The following CBX1 variants were observed in gnomAD, a reference collection of about 807,000 sequenced individuals.
CBX1 encodes the protein chromobox protein homolog 1.
In CBX1, 10 loss-of-function variants were observed where a neutral mutation model predicts 25.1. The ratio of observed to expected loss-of-function variants is 0.40; its 90% CI spans 0.25 to 0.68. The LOEUF (loss-of-function observed/expected upper bound fraction) is 0.68, where lower values mean the gene tolerates loss of function less well. Ranked by LOEUF, CBX1 falls within the 30% of genes least tolerant of loss-of-function variation. The probability of loss-of-function intolerance (pLI) is 0.40; values close to 1 mark genes in which losing one functional copy is unlikely to be tolerated. For missense variants in CBX1, 106 were observed against 218.5 expected (o/e 0.49, Z 3.25); for synonymous variants, 63 against 79.4 (o/e 0.79, Z 1.10).
chr17:48,071,523 G>A lies in CBX1; in HGVS notation c.470C>T (p.Pro157Leu). The A allele has an allele frequency of 6.2e-7, 1 of 1,613,492 alleles. No individual in the cohort carries two copies. Among genetic ancestry groups the A allele is most frequent in the Middle Eastern group, 1.7e-4 (1 of 6,052 alleles). The change falls in exon 5 of 5, where the codon CCA becomes CTA. Residue 157 changes from proline to leucine, a missense_variant. Physicochemically the swap from Pro to Leu is moderately conservative, Grantham distance 98. Around this residue, in one of 4 missense-constraint regions of CBX1, gnomAD observed 71 missense variants for 144.1 expected, o/e 0.49. Transcript: ENST00000225603. ...VPAKEANVKC[P>L]QVVISFYEER... ...CTCATAGAAGGATATGACAACCTGT[G>A]GGCACTTGACATTGGCTTCCTTGGC...
At chr17:48,090,918 T>C (rs776317937) in intron 1 of CBX1, among the ~76,000 whole-genome samples, 5 of 152,248 alleles carry the variant, frequency 3.3e-5, no homozygotes, top group Admixed American at 6.5e-5. Context: ...CTTATTATTC[T>C]AGTGCAGACA....
At chr17:48,099,303 T>C (rs1010737137) in intron 1 of CBX1, among the ~76,000 whole-genome samples, 2 of 152,156 alleles carry the variant, frequency 1.3e-5, no homozygotes, top group Non-Finnish European at 2.9e-5. Context: ...GGTTTCACCA[T>C]GTTGGTTGGC....
At chr17:48,080,287 T>A (rs1302521219) in intron 1 of CBX1, among the ~76,000 whole-genome samples, 1 of 152,162 alleles carries the variant, frequency 6.6e-6, no homozygotes, top group Non-Finnish European at 1.5e-5. Context: ...TCTGCCCGTT[T>A]TGGTTTCCCA....
chr17:48,077,034 T>C lies in CBX1; in HGVS notation c.-30A>G. ...CCCGCCAGCTTTCTGGTGTAAAGGG[T>C]GACGCTGCTAAAATGATAAATGAAA... is the stretch of plus-strand genomic sequence containing the variant. On this transcript the variant is annotated 5_prime_UTR_variant, in exon 2 of 5. Transcript: ENST00000225603. 6.3e-7 allele frequency: 1 copy of C among 1,599,870 alleles called. No individual in the cohort carries two copies. The highest frequency in any genetic ancestry group is 8.5e-7 in the Non-Finnish European group (1 of 1,173,976).
intron 1 of CBX1, among the ~76,000 whole-genome samples, chr17:48,092,905 T>C (rs1361470636): frequency 1.3e-5 from 2 of 151,766 alleles, no homozygotes; most frequent in Admixed American, 1.3e-4. Flanking sequence ...ACCCAGTCTC[T>C]ACTAAAAATA....
Position 48,076,005 on chromosome 17 carries a change from T to C in CBX1, c.314A>G (p.Glu105Gly). ...GEESKPKKKKEESEKPRGFAR... is the reference protein window; with the variant it reads ...GEESKPKKKKGESEKPRGFAR... ...AATTCTTACTTCTATTCTTACCTCT[T>C]CTTTCTTCTTCTTTGGTTTGCTCTC... is the stretch of plus-strand genomic sequence containing the variant. The change falls in exon 3 of 5, where the codon GAA becomes GGA. Residue 105 changes from glutamate to glycine, a missense_variant. Glu to Gly is a moderately conservative substitution (Grantham distance 98). Coordinates refer to ENST00000225603, the MANE Select transcript of CBX1 (RefSeq NM_001127228.2). The C allele has an allele frequency of 6.3e-7, 1 of 1,596,678 alleles. No homozygotes were observed. Among genetic ancestry groups the C allele is most frequent in the South Asian group, 1.1e-5 (1 of 89,244 alleles).
intron 1 of CBX1, among the ~76,000 whole-genome samples, chr17:48,094,638 G>A (rs1361658980): frequency 2.0e-5 from 3 of 150,844 alleles, no homozygotes; most frequent in Non-Finnish European, 4.4e-5. Context: ...GCTGAGGCAC[G>A]ATAATTGCTT....
At chr17:48,077,556 T>C (rs1349535254) in intron 1 of CBX1, among the ~76,000 whole-genome samples, 5 of 151,516 alleles carry the variant, frequency 3.3e-5, no homozygotes, top group Non-Finnish European at 7.4e-5. Context: ...TCCCAAAGTG[T>C]TGGAATTACA....
chr17:48,071,486 C>T lies in CBX1; in HGVS notation c.507G>A (p.Thr169=). Residue 169 remains threonine, a synonymous_variant, in exon 5 of 5, where the codon ACG becomes ACA. Transcript: ENST00000225603. ...CATCCTCCGAGGGGTAGGAATGCCA[C>T]GTCAGCCTTTCCTCATAGAAGGATA... The part of the protein sequence containing the change: ...VVISFYEERL[T]WHSYPSEDDD... 3.7e-6 allele frequency: 6 copies of T among 1,613,580 alleles called. No homozygotes were observed. Among genetic ancestry groups the T allele is most frequent in the Admixed American group, 1.7e-5 (1 of 59,966 alleles).
chr17:48,100,804 T>C, intron 1 of CBX1: 1 of 985,588 alleles, frequency 1.0e-6, no homozygotes, highest in Non-Finnish European at 1.2e-6. Context: ...TACTCCTCCG[T>C]AGTCCTGCAA....
At chr17:48,082,496 C>A (rs2037748615) in intron 1 of CBX1, among the ~76,000 whole-genome samples, 1 of 85,162 alleles carries the variant, frequency 1.2e-5, no homozygotes, top group African/African-American at 4.8e-5. Context: ...AGCGAGACTC[C>A]ATCTCAAAAA....
Position 48,075,120 on chromosome 17 carries a change from A to G in CBX1, c.319-20T>C. 1 of 1,552,916 alleles carries G rather than the reference A, an allele frequency of 6.4e-7. No individual in the cohort carries two copies. The highest frequency in any genetic ancestry group is 8.9e-7 in the Non-Finnish European group (1 of 1,124,232). On this transcript the variant is annotated intron_variant, in intron 3 of 4. Transcript: ENST00000225603. Reference sequence around the variant, plus strand: ...TTCTGACTGTAAAAACAAGATGGGTAGAACAATTTTATCTATATGGGACTA... The same window carrying G: ...TTCTGACTGTAAAAACAAGATGGGTGGAACAATTTTATCTATATGGGACTA...
At chr17:48,099,723 A>AG (rs2144480227) in intron 1 of CBX1, among the ~76,000 whole-genome samples, 1 of 152,330 alleles carries the variant, frequency 6.6e-6, no homozygotes, top group Admixed American at 6.5e-5. Context: ...ACCCTGGGCT[A>AG]GGGGTTCTAG....
intron 1 of CBX1, among the ~76,000 whole-genome samples, chr17:48,091,429 A>G (rs2144461755): frequency 6.6e-6 from 1 of 151,422 alleles, no homozygotes; most frequent in Non-Finnish European, 1.5e-5. Flanking sequence ...GCAGGAATGA[A>G]GTGGTGTGAT....
At chr17:48,088,012 A>T (rs2063322460) in intron 1 of CBX1, among the ~76,000 whole-genome samples, 1 of 152,086 alleles carries the variant, frequency 6.6e-6, no homozygotes, top group South Asian at 2.1e-4. Context: ...ACATTCAATT[A>T]CAAAAATATA....
chr17:48,093,799 G>C (rs918222732), intron 1 of CBX1, among the ~76,000 whole-genome samples: 20 of 152,108 alleles, frequency 1.3e-4, no homozygotes, highest in South Asian at 1.2e-3. Context: ...TTCCTCCATA[G>C]CTTTGCTCAT....
At chr17:48,077,783 A>G (rs1205653104) in intron 1 of CBX1, among the ~76,000 whole-genome samples, 1 of 152,052 alleles carries the variant, frequency 6.6e-6, no homozygotes, top group Non-Finnish European at 1.5e-5. Flanking sequence ...GTAGTGTGTG[A>G]CCAGCCTAGG....
chr17:48,075,639 C>A (rs2037668403), intron 3 of CBX1, among the ~76,000 whole-genome samples: 1 of 149,372 alleles, frequency 6.7e-6, no homozygotes, highest in African/African-American at 2.4e-5. Flanking sequence ...CAAGCAAAAT[C>A]AATGTTTACA....
At chr17:48,072,057 C>T (rs373156553) in intron 4 of CBX1, among the ~76,000 whole-genome samples, 5 of 149,250 alleles carry the variant, frequency 3.4e-5, no homozygotes, top group African/African-American at 7.4e-5. Flanking sequence ...AGTGCAGTGG[C>T]ATGATCTCGG....
Sources: gnomAD v4.1 joint callset for allele counts (sites outside exome capture counted in the v4.1 genomes callset) on GRCh38, gnomAD v4.1.1 for gene constraint, gnomAD v4.1.1 regional missense constraint, MANE v1.5 for transcripts, NCBI Gene and HGNC (gene_info 2026-07-23, HGNC 2026-07-21) for gene names.